The following FHIP1A variants were observed in gnomAD, a reference collection of about 807,000 sequenced individuals.
FHIP1A encodes FHF complex subunit HOOK-interacting protein 1A.
FHIP1A carries 61 observed loss-of-function variants against 88.6 expected under a neutral mutation model. That is an observed-to-expected ratio of 0.69 (90% CI 0.56 to 0.85). The LOEUF (loss-of-function observed/expected upper bound fraction) is 0.85. Ranked by LOEUF, FHIP1A falls within the 40% of genes least tolerant of loss-of-function variation. The probability of loss-of-function intolerance (pLI) is 0.00; values close to 1 mark genes in which losing one functional copy is unlikely to be tolerated. For missense variants in FHIP1A, 1,154 were observed against 1,273.5 expected (o/e 0.91, Z 1.43); for synonymous variants, 478 against 496.0 (o/e 0.96, Z 0.48).
intron 3 of FHIP1A, among the ~76,000 whole-genome samples, chr4:151,506,510 G>A (rs1730843340): frequency 6.6e-6 from 1 of 152,170 alleles, no homozygotes; most frequent in African/African-American, 2.4e-5. Context: ...TCTGGTGAGG[G>A]CCTTGGGAAA....
chr4:151,640,405 A>G lies in FHIP1A; in HGVS notation c.1226+1649A>G, dbSNP rs141928923. On this transcript the variant is annotated intron_variant, in intron 9 of 13. Transcript: ENST00000435205. ...TAGCTAATCTTAAGGATTAGCAGAA[A>G]ACAAATCCAATCTTAAAGAAACACC... 5.5e-4 allele frequency among the ~76,000 whole-genome samples: 84 copies of G among 152,322 alleles called. 1 individual carries two copies. In the East Asian group the frequency reaches 0.014, roughly 25 times the overall value.
At chr4:151,634,502 A>C (rs1736275508) in intron 8 of FHIP1A, among the ~76,000 whole-genome samples, 1 of 151,844 alleles carries the variant, frequency 6.6e-6, no homozygotes, top group Non-Finnish European at 1.5e-5. Context: ...ACATTTCCTT[A>C]AAACATATTA....
At chr4:151,466,537 A>G (rs1001634134) in intron 2 of FHIP1A, among the ~76,000 whole-genome samples, 13 of 152,212 alleles carry the variant, frequency 8.5e-5, no homozygotes, top group African/African-American at 3.1e-4. Flanking sequence ...ATCCTAAGCA[A>G]AAAGAACGAA....
In FHIP1A at chr4:151,577,624, T is replaced by G. The variant is rs931040018; in HGVS notation, c.280T>G (p.Ser94Ala). ...AMGPILEFVV[S>A]ENIMEKLFLW... Reference sequence around the variant, plus strand: ...GGGGCCGATTCTGGAATTTGTGGTCTCTGAGAACATCATGGAGAAACTTTT... The same window carrying G: ...GGGGCCGATTCTGGAATTTGTGGTCGCTGAGAACATCATGGAGAAACTTTT... The change falls in exon 5 of 14, where the codon TCT becomes GCT. Residue 94 changes from serine (S) to alanine (A), a missense_variant. By Grantham distance (99) the Ser-to-Ala change is moderately conservative. Transcript: ENST00000435205. The G allele has an allele frequency of 2.6e-6, 4 of 1,551,880 alleles. No homozygotes were observed. The highest frequency in any genetic ancestry group is 3.5e-6 in the Non-Finnish European group (4 of 1,147,002).
chr4:151,620,162 A>G (rs1025585847), intron 7 of FHIP1A, among the ~76,000 whole-genome samples: 3 of 152,224 alleles, frequency 2.0e-5, no homozygotes, highest in African/African-American at 7.2e-5. Flanking sequence ...TTGCAGGGCC[A>G]CTGCATAGAG....
At chr4:151,534,484 G>A (rs751667429) in intron 3 of FHIP1A, among the ~76,000 whole-genome samples, 50 of 152,170 alleles carry the variant, frequency 3.3e-4, no homozygotes, top group Admixed American at 6.5e-4. Context: ...AAGATTTAGA[G>A]ATGTCAGATA....
intron 1 of FHIP1A, among the ~76,000 whole-genome samples, chr4:151,418,565 T>C (rs1470894864): frequency 6.6e-6 from 1 of 152,228 alleles, no homozygotes; most frequent in East Asian, 1.9e-4. Context: ...ATTTCCTGAC[T>C]CAGTCTGGCT....
chr4:151,456,707 T>A (rs1371450066), intron 2 of FHIP1A, among the ~76,000 whole-genome samples: 1 of 152,156 alleles, frequency 6.6e-6, no homozygotes, highest in Non-Finnish European at 1.5e-5. Context: ...TCTGGCCACT[T>A]AGAAATAACT....
intron 2 of FHIP1A, among the ~76,000 whole-genome samples, chr4:151,479,318 C>A (rs765939484): frequency 5.9e-5 from 9 of 151,996 alleles, no homozygotes; most frequent in Admixed American, 5.9e-4. Flanking sequence ...CTGTAAAACT[C>A]AGGGATTGCA....
In FHIP1A at chr4:151,656,245, C is replaced by T. The variant is rs61744219; in HGVS notation, c.2565C>T (p.Ser855=). 0.015 allele frequency: 22,769 copies of T among 1,551,460 alleles called. 184 individuals are homozygous for T. The highest frequency in any genetic ancestry group is 0.017 in the Non-Finnish European group (18,979 of 1,146,818). The change falls in exon 12 of 14, where the codon AGC becomes AGT. Residue 855 remains serine, a synonymous_variant. Transcript: ENST00000435205. The surrounding 1 kb of genome is among the most constrained non-coding windows in gnomAD (Gnocchi z 4.2). ...TTCTTCCTGCAGGCCCATTCATCAGCGTAGTCCTGTCAAAGCTGGAGAACA... is the reference window on the plus strand; with the variant it reads ...TTCTTCCTGCAGGCCCATTCATCAGTGTAGTCCTGTCAAAGCTGGAGAACA... ...QSTPFTGPFI[S]VVLSKLENML... is the part of the protein sequence containing the mutation.
chr4:151,496,055 A>G (rs893909826), intron 3 of FHIP1A, among the ~76,000 whole-genome samples: 3 of 152,074 alleles, frequency 2.0e-5, no homozygotes, highest in South Asian at 4.1e-4. Context: ...GAAAGCTGAA[A>G]TTTTAATATT....
intron 5 of FHIP1A, among the ~76,000 whole-genome samples, chr4:151,586,131 A>G (rs964226356): frequency 2.0e-5 from 3 of 152,150 alleles, no homozygotes; most frequent in African/African-American, 7.2e-5. Flanking sequence ...AAGGAATTGC[A>G]TGGAATCTTT....
intron 7 of FHIP1A, among the ~76,000 whole-genome samples, chr4:151,613,163 G>A (rs1735389684): frequency 6.6e-6 from 1 of 152,112 alleles, no homozygotes; most frequent in South Asian, 2.1e-4. Context: ...TAAAACACTG[G>A]CTCTTCTGTA....
chr4:151,427,339 G>A (rs945234619), intron 1 of FHIP1A, among the ~76,000 whole-genome samples: 3 of 152,024 alleles, frequency 2.0e-5, no homozygotes, highest in African/African-American at 7.2e-5. Context: ...CATTTTGTAG[G>A]AGTGATATAA....
At chr4:151,421,125 T>C (rs1242241635) in intron 1 of FHIP1A, among the ~76,000 whole-genome samples, 1 of 152,250 alleles carries the variant, frequency 6.6e-6, no homozygotes, top group Non-Finnish European at 1.5e-5. Flanking sequence ...TGCCTCTGGC[T>C]AAGTCATTTT....
intron 7 of FHIP1A, among the ~76,000 whole-genome samples, chr4:151,618,852 T>C (rs1308377046): frequency 1.3e-5 from 2 of 152,182 alleles, no homozygotes; most frequent in Non-Finnish European, 2.9e-5. Flanking sequence ...CTCCATGATG[T>C]TTTTCTCTTC....
chr4:151,519,153 C>G (rs1731363114), intron 3 of FHIP1A, among the ~76,000 whole-genome samples: 1 of 152,104 alleles, frequency 6.6e-6, no homozygotes, highest in Non-Finnish European at 1.5e-5. Flanking sequence ...AACACATACA[C>G]CTGCATAATC....
At chr4:151,603,713 A>T (rs1734961857) in intron 7 of FHIP1A, among the ~76,000 whole-genome samples, 1 of 152,148 alleles carries the variant, frequency 6.6e-6, no homozygotes, top group Non-Finnish European at 1.5e-5. Context: ...CTTTTTGTGA[A>T]TAATATCACT....
intron 10 of FHIP1A, among the ~76,000 whole-genome samples, 177 bp downstream of exon 10, chr4:151,646,925 T>G (rs917182795): frequency 6.6e-6 from 1 of 152,172 alleles, no homozygotes; most frequent in African/African-American, 2.4e-5. Flanking sequence ...GTAATCAGTG[T>G]TTATTGACGT....
Sources: allele counts gnomAD v4.1 joint callset (sites outside exome capture counted in the v4.1 genomes callset), GRCh38; gene constraint gnomAD v4.1.1; non-coding constraint Gnocchi (gnomAD v3.1); transcripts MANE v1.5; gene names NCBI Gene and HGNC (gene_info 2026-07-23, HGNC 2026-07-21).